The following ADAP1 variants were observed in gnomAD, a reference collection of about 807,000 sequenced individuals.
ADAP1 encodes arf-GAP with dual PH domain-containing protein 1.
ADAP1 carries 31 observed loss-of-function variants against 54.9 expected under a neutral mutation model. The ratio of observed to expected loss-of-function variants is 0.56; its 90% CI spans 0.42 to 0.76. ADAP1 has a LOEUF of 0.76. Ranked by LOEUF, ADAP1 falls within the 30% of genes least tolerant of loss-of-function variation. The pLI is 0.00. For synonymous variants in ADAP1, 313 were observed against 202.6 expected, an observed-to-expected ratio of 1.55 and a Z score of -4.63; for missense variants, 535 against 512.4, an observed-to-expected ratio of 1.04 and a Z score of -0.42.
intron 4 of ADAP1, chr7:905,550 G>GGGAGAAGGGAGAAGGGAGAAAGGAGAAA (rs1845163199): frequency 1.6e-4 from 1 of 6,084 alleles, no homozygotes; most frequent in Non-Finnish European, 2.6e-4. Context: ...GAAGGGAGAA[G>GGGAGAAGGGAGAAGGGAGAAAGGAGAAA]GGAGAAAGGA....
At chr7:950,177 C>G (rs545079779) in intron 1 of ADAP1, among the ~76,000 whole-genome samples, 10 of 152,338 alleles carry the variant, frequency 6.6e-5, no homozygotes, top group African/African-American at 2.4e-4. Context: ...CTGAGTGAAA[C>G]TGGCCAGTCA....
chr7:901,007 T>A, intron 6 of ADAP1: 1 of 483,818 alleles, frequency 2.1e-6, no homozygotes, highest in Non-Finnish European at 4.2e-6. Flanking sequence ...TTTATGAAGA[T>A]CCTTATTTTG....
At chr7:907,136 C>A (rs572819035) in intron 4 of ADAP1, among the ~76,000 whole-genome samples, 2 of 152,238 alleles carry the variant, frequency 1.3e-5, no homozygotes, top group Non-Finnish European at 2.9e-5. Flanking sequence ...GAGGGGAGTC[C>A]AGCTCAAGCC....
chr7:902,639 A>C (rs1026371067), intron 6 of ADAP1, among the ~76,000 whole-genome samples: 2 of 151,806 alleles, frequency 1.3e-5, no homozygotes, highest in Admixed American at 6.6e-5. Flanking sequence ...CACCAATAAC[A>C]GGAGTTTCAG....
At chr7:904,303 A>G (rs750315854) in intron 5 of ADAP1, 31 bp from the exon 6 acceptor site, 5 of 1,537,600 alleles carry the variant, frequency 3.3e-6, no homozygotes, top group Non-Finnish European at 4.4e-6. Context: ...AGCACCTCAC[A>G]GGGGCCGTCG....
intron 6 of ADAP1, 137 bp downstream of exon 6, chr7:903,989 G>C (rs577121458): frequency 8.3e-7 from 1 of 1,203,640 alleles, no homozygotes; most frequent in Non-Finnish European, 1.1e-6. Context: ...TGCCCAGCCC[G>C]ACTTCCCGCC....
At chr7:925,006 C>T (rs1342110348) in intron 3 of ADAP1, among the ~76,000 whole-genome samples, 1 of 151,728 alleles carries the variant, frequency 6.6e-6, no homozygotes, top group African/African-American at 2.4e-5. Context: ...CAGGCCTGCC[C>T]GGGTGGGAAG....
rs908923067 is a variant in ADAP1, at chr7:938,632, C to T, written c.83-3127G>A. Among the ~76,000 whole-genome samples, 4 of 152,144 alleles carry T rather than the reference C, an allele frequency of 2.6e-5. No individual in the cohort carries two copies. The highest frequency in any genetic ancestry group is 6.5e-5 in the Admixed American group (1 of 15,278). The stretch of plus-strand genomic sequence containing the variant: ...CGCAAATGCTCGGTACGTGGCTGTG[C>T]GAGGGGCGCCCAGAAGGCACGCCAG... On this transcript the variant is annotated intron_variant, in intron 1 of 10. Coordinates refer to ENST00000265846, the MANE Select transcript of ADAP1 (RefSeq NM_006869.4). This position sits in a 1 kb window ranked among gnomAD's most constrained non-coding sequence, Gnocchi z 4.4.
chr7:921,650 G>A (rs1356677620), intron 3 of ADAP1, among the ~76,000 whole-genome samples: 1 of 152,202 alleles, frequency 6.6e-6, no homozygotes, highest in Non-Finnish European at 1.5e-5. Context: ...CAGGGGCGGC[G>A]GGTTAGGACT....
At position 899,082 on chromosome 7, in the gene ADAP1, C is replaced by A; in HGVS notation, c.1047G>T (p.Ala349=). The change falls in exon 10 of 11, where the codon GCG becomes GCT. Residue 349 remains alanine, a synonymous_variant. Coordinates refer to ENST00000265846, the MANE Select transcript of ADAP1 (RefSeq NM_006869.4). ...GCCTGTCCACCGCCTTCTGGAAGGCCGCCACCCACTCCCTCTGGTCGGACT... is the reference window on the plus strand; with the variant it reads ...GCCTGTCCACCGCCTTCTGGAAGGCAGCCACCCACTCCCTCTGGTCGGACT... ...ETESDQREWV[A]AFQKAVDRPM... is the part of the protein sequence containing the mutation. 2 of 1,608,094 alleles carry A rather than the reference C, an allele frequency of 1.2e-6. No homozygotes were observed. The highest frequency in any genetic ancestry group is 1.7e-6 in the Non-Finnish European group (2 of 1,179,920).
At position 905,412 on chromosome 7, in the gene ADAP1, GGAGAAAGA is replaced by G. The variant is rs1422886824; in HGVS notation, c.389-248_389-241del. 5.9e-4 allele frequency: 88 copies of G among 150,398 alleles called. 5 individuals carry two copies. Among genetic ancestry groups the G allele is most frequent in the African/African-American group, 1.6e-3 (10 of 6,294 alleles). The allele number at this position is 150,398 out of a possible 1,614,324, so 9.3% of individuals were successfully genotyped here. On this transcript the variant is annotated intron_variant, in intron 4 of 10. Transcript: ENST00000265846. The stretch of plus-strand genomic sequence containing the variant: ...AAAGGAGAAAGGAGAAAGGAGAAAG[GGAGAAAGA>G]GAAAGGAGAAAGGAGAAAGGGAGAA...
At chr7:908,356 G>A (rs1845566610) in intron 4 of ADAP1, among the ~76,000 whole-genome samples, 1 of 152,160 alleles carries the variant, frequency 6.6e-6, no homozygotes, top group Non-Finnish European at 1.5e-5. Flanking sequence ...AAAACGCCTG[G>A]CGTTGGGGAG....
chr7:919,799 A>AGGGG (rs1359516718), intron 4 of ADAP1, among the ~76,000 whole-genome samples, 169 bp downstream of exon 4: 1 of 7,866 alleles, frequency 1.3e-4, no homozygotes, highest in Admixed American at 1.2e-3. Flanking sequence ...GGAGGGAGGG[A>AGGGG]GATGGGGGGA....
chr7:949,021 C>T (rs1847206575), intron 1 of ADAP1, among the ~76,000 whole-genome samples: 1 of 152,180 alleles, frequency 6.6e-6, no homozygotes, highest in Non-Finnish European at 1.5e-5. Flanking sequence ...ACTCTACCCT[C>T]GGCCCTCCTT....
At chr7:900,795 G>A (rs1433439583) in intron 6 of ADAP1, 179 bp from the exon 7 acceptor site, 3 of 656,162 alleles carry the variant, frequency 4.6e-6, no homozygotes, top group South Asian at 1.7e-5. Flanking sequence ...CCACGCTGAG[G>A]CCGGGGCTGC....
chr7:922,665 C>T (rs763479001), intron 3 of ADAP1, among the ~76,000 whole-genome samples: 3 of 151,586 alleles, frequency 2.0e-5, no homozygotes, highest in Non-Finnish European at 4.4e-5. Context: ...ACCATCAACA[C>T]CCTTCCTGGA....
At position 919,972 on chromosome 7, in the gene ADAP1, C is replaced by G. The variant is rs550890072; in HGVS notation, c.384G>C (p.Ser128=). The change falls in exon 4 of 11, where the codon TCG becomes TCC. Residue 128 remains serine, a synonymous_variant. Coordinates refer to ENST00000265846, the MANE Select transcript of ADAP1 (RefSeq NM_006869.4). ...ACCCCACCCGGGTGGCCTCACCTGC[C>G]GAGTAGGGCTCCTGCTTCTCCGGGT... ...FIYPEKQEPY[S]AGYREGFLWK... The G allele has an allele frequency of 7.5e-6, 12 of 1,604,882 alleles. No homozygotes were observed. Among genetic ancestry groups the G allele is most frequent in the Admixed American group, 5.0e-5 (3 of 59,814 alleles).
In ADAP1 at chr7:900,642, T is replaced by TGGGCTGAGG. The variant is rs754127665; in HGVS notation, c.649-35_649-27dup. The TGGGCTGAGG allele has an allele frequency of 1.1e-4, 161 of 1,489,882 alleles. 2 individuals are homozygous for TGGGCTGAGG. In the East Asian group the frequency reaches 1.8e-3, roughly 17 times the overall value. The allele number at this position is 1,489,882 out of a possible 1,614,324, so 92.3% of individuals were successfully genotyped here. A position where few individuals can be genotyped will look rare whatever the true frequency, so the allele number is the denominator to read the frequency against. On this transcript the variant is annotated intron_variant, in intron 6 of 10. Transcript: ENST00000265846. ...CTAGGGGCAAAGGTGGGCACAGGCT[T>TGGGCTGAGG]GGGCTGAGGAGGCTGCAGCGCTGGG...
At chr7:899,341 C>T (rs1844663909) in intron 9 of ADAP1, 78 bp downstream of exon 9, 3 of 1,603,754 alleles carry the variant, frequency 1.9e-6, no homozygotes, top group Non-Finnish European at 2.6e-6. Context: ...CGGGAGGCCA[C>T]CCGCCCTCCT....
Sources: gnomAD v4.1 joint callset for allele counts (sites outside exome capture counted in the v4.1 genomes callset) on GRCh38, gnomAD v4.1.1 for gene constraint, Gnocchi (gnomAD v3.1) non-coding constraint, MANE v1.5 for transcripts, NCBI Gene and HGNC (gene_info 2026-07-23, HGNC 2026-07-21) for gene names.